TLX1: variants seen among roughly 807,000 people sequenced by gnomAD.
The protein encoded by TLX1 is T-cell leukemia homeobox protein 1.
A neutral mutation model predicts 26.5 loss-of-function variants in TLX1; 6 were observed. That is an observed-to-expected ratio of 0.23 (90% confidence interval 0.12 to 0.45). The LOEUF is 0.45. Among genes scored for constraint, TLX1 ranks in the 20% least tolerant of loss-of-function variants. TLX1 has a pLI of 0.99. For missense variants in TLX1, 418 were observed against 482.6 expected (o/e 0.87, Z 1.25); for synonymous variants, 217 against 219.7 (o/e 0.99, Z 0.11).
In TLX1 at chr10:101,132,162, C is replaced by A; in HGVS notation, c.568+53C>A. 1 of 1,295,362 alleles carries A rather than the reference C, an allele frequency of 7.7e-7. No homozygotes were observed. Among genetic ancestry groups the A allele is most frequent in the South Asian group, 2.7e-5 (1 of 37,214 alleles). 80.2% of individuals were successfully genotyped at this position (1,295,362 alleles called of 1,614,324 possible). ...TGGCCGCGGCCCGGGCTCCGTGCTA[C>A]CCCTGCCCCGCCGGGTGGCTCCCCA... On this transcript the variant is annotated intron_variant, in intron 1 of 2. Coordinates refer to ENST00000370196, the MANE Select transcript of TLX1 (RefSeq NM_005521.4). This position sits in a 1 kb window ranked among gnomAD's most constrained non-coding sequence, Gnocchi z 4.1.
Position 101,132,289 on chromosome 10 carries a change from T to C in TLX1, c.568+180T>C, listed in dbSNP as rs936274008. ...ACGCAGACTCGCCATGCTTGAAGAG[T>C]TCTCTCAGCCTGGACCCCTCTCTGT... is the stretch of plus-strand genomic sequence containing the variant. On this transcript the variant is annotated intron_variant, in intron 1 of 2. Transcript: ENST00000370196. This position sits in a 1 kb window ranked among gnomAD's most constrained non-coding sequence, Gnocchi z 4.1. Among the ~76,000 whole-genome samples, 1 of 151,514 alleles carries C rather than the reference T, an allele frequency of 6.6e-6. No homozygotes were observed. Among genetic ancestry groups the C allele is most frequent in the Non-Finnish European group, 1.5e-5 (1 of 67,870 alleles).
rs758666701 is a variant in TLX1 at position 101,132,049 on chromosome 10, A to C, written c.508A>C (p.Thr170Pro). The C allele has an allele frequency of 2.0e-6, 3 of 1,504,988 alleles. No individual in the cohort carries two copies. Among genetic ancestry groups the C allele is most frequent in the East Asian group, 5.4e-5 (2 of 37,288 alleles). The allele number at this position is 1,504,988 out of a possible 1,614,324, so 93.2% of individuals were successfully genotyped here. ...VPAMPGVNNL[T>P]GLTFPWMESN... ...TGCCATGCCGGGCGTCAACAACCTC[A>C]CTGGCCTCACCTTCCCCTGGATGGA... The change falls in exon 1 of 3, where the codon ACT (threonine) becomes CCT (proline). Residue 170 changes from threonine (T) to proline (P), a missense_variant. Thr to Pro is a conservative substitution (Grantham distance 38). Around this residue, in one of 3 missense-constraint regions of TLX1, gnomAD observed 322 missense variants for 344.6 expected, o/e 0.93. Transcript: ENST00000370196. This position sits in a 1 kb window ranked among gnomAD's most constrained non-coding sequence, Gnocchi z 4.1.
chr10:101,135,172 ACG>A (rs1564677100), intron 2 of TLX1, among the ~76,000 whole-genome samples: 22 of 17,396 alleles, frequency 1.3e-3, no homozygotes. Flanking sequence ...ACCCTCTGGC[ACG>A]CTGCACCCTC....
intron 2 of TLX1, among the ~76,000 whole-genome samples, chr10:101,134,965 A>G (rs1270800544): frequency 6.6e-6 from 1 of 152,210 alleles, no homozygotes; most frequent in Non-Finnish European, 1.5e-5. Flanking sequence ...GTCCCACTGG[A>G]AGGGGAATCA....
At chr10:101,134,444 C>A in intron 2 of TLX1, 68 bp downstream of exon 2, 2 of 1,418,356 alleles carry the variant, frequency 1.4e-6, no homozygotes, top group Non-Finnish European at 1.9e-6. Context: ...GTTCATTGGC[C>A]TCTCGTGGGG....
rs1239586304 is a variant in TLX1, at chr10:101,131,834, C to A, written c.293C>A (p.Thr98Asn). Residue 98 changes from threonine to asparagine, a missense_variant, in exon 1 of 3, where the codon ACC becomes AAC. By Grantham distance (65) the Thr-to-Asn change is moderately conservative. This residue lies in a region of TLX1 where 322 missense variants were observed against 344.6 expected (regional missense o/e 0.93). Coordinates refer to ENST00000370196, the MANE Select transcript of TLX1 (RefSeq NM_005521.4). Reference sequence around the variant, plus strand: ...GGCGCCTGCAGCATGGGTCCTCTGACCGGCTCCTACAACGTGAACATGGCC... The same window carrying A: ...GGCGCCTGCAGCATGGGTCCTCTGAACGGCTCCTACAACGTGAACATGGCC... ...GGGACSMGPL[T>N]GSYNVNMALA... 1.4e-6 allele frequency: 2 copies of A among 1,407,730 alleles called. No individual in the cohort carries two copies. Among genetic ancestry groups the A allele is most frequent in the African/African-American group, 3.0e-5 (2 of 65,736 alleles). 87.2% of individuals were successfully genotyped at this position (1,407,730 alleles called of 1,614,324 possible). A position where few individuals can be genotyped will look rare whatever the true frequency, so the allele number is the denominator to read the frequency against.
chr10:101,132,184 C>G lies in TLX1; in HGVS notation c.568+75C>G. Reference sequence around the variant, plus strand: ...CTACCCCTGCCCCGCCGGGTGGCTCCCCAAAGCCGGTTCTGCGCTCCAGGT... The same window carrying G: ...CTACCCCTGCCCCGCCGGGTGGCTCGCCAAAGCCGGTTCTGCGCTCCAGGT... On this transcript the variant is annotated intron_variant, in intron 1 of 2. Coordinates refer to ENST00000370196, the MANE Select transcript of TLX1 (RefSeq NM_005521.4). The surrounding 1 kb of genome is among the most constrained non-coding windows in gnomAD (Gnocchi z 4.1). 8.0e-7 allele frequency: 1 copy of G among 1,246,156 alleles called. No individual in the cohort carries two copies. Among genetic ancestry groups the G allele is most frequent in the Non-Finnish European group, 1.0e-6 (1 of 985,758 alleles). The allele number at this position is 1,246,156 out of a possible 1,614,324, so 77.2% of individuals were successfully genotyped here.
In TLX1 at chr10:101,137,082, C is replaced by A. The variant is rs1289079978; in HGVS notation, c.*169C>A. The A allele has an allele frequency of 4.5e-6, 4 of 887,816 alleles. No homozygotes were observed. The highest frequency in any genetic ancestry group is 6.7e-6 in the Non-Finnish European group (4 of 598,678). The allele number at this position is 887,816 out of a possible 1,614,324, so 55.0% of individuals were successfully genotyped here. A position where few individuals can be genotyped will look rare whatever the true frequency, so the allele number is the denominator to read the frequency against. On this transcript the variant is annotated 3_prime_UTR_variant, in exon 3 of 3. Coordinates refer to ENST00000370196, the MANE Select transcript of TLX1 (RefSeq NM_005521.4). The stretch of plus-strand genomic sequence containing the variant: ...ATTTGTGCCGACACTGTTCTCCCTT[C>A]GGTGGAAGAGCTCAAGGGACAAGGA...
rs11190842 is a variant in TLX1 at position 101,135,700 on chromosome 10, C to T, written c.771-991C>T. Among the ~76,000 whole-genome samples the T allele has an allele frequency of 2.9e-3, 445 of 152,234 alleles. 1 individual carries two copies. The highest frequency in any genetic ancestry group is 0.01 in the African/African-American group (429 of 41,546). On this transcript the variant is annotated intron_variant, in intron 2 of 2. Coordinates refer to ENST00000370196, the MANE Select transcript of TLX1 (RefSeq NM_005521.4). ...AAGGAAAAAAAAGGAGAAAAACAGGCAGCCTGCAGAAGTCTTATTTATGTA... is the reference window on the plus strand; with the variant it reads ...AAGGAAAAAAAAGGAGAAAAACAGGTAGCCTGCAGAAGTCTTATTTATGTA...
In TLX1 at chr10:101,136,790, G is replaced by T; in HGVS notation, c.870G>T (p.Pro290=). 6.2e-7 allele frequency: 1 copy of T among 1,613,496 alleles called. No homozygotes were observed. Among genetic ancestry groups the T allele is most frequent in the East Asian group, 2.2e-5 (1 of 44,880 alleles). ...QEAFQKSLAQ[P]LPADPLCVHN... ...CCTTCCAGAAGAGCCTGGCACAGCC[G>T]CTGCCCGCTGACCCTCTGTGCGTGC... The change falls in exon 3 of 3, where the codon CCG becomes CCT. Residue 290 remains proline (P), a synonymous_variant. Coordinates refer to ENST00000370196, the MANE Select transcript of TLX1 (RefSeq NM_005521.4).
intron 2 of TLX1, among the ~76,000 whole-genome samples, chr10:101,135,732 A>G (rs1222169847): frequency 6.6e-6 from 1 of 152,264 alleles, no homozygotes; most frequent in Non-Finnish European, 1.5e-5. Context: ...TGTATAATAA[A>G]GAAAAAGCAA....
At chr10:101,135,178 C>T (rs1940268613) in intron 2 of TLX1, among the ~76,000 whole-genome samples, 1 of 150,542 alleles carries the variant, frequency 6.6e-6, no homozygotes, top group Non-Finnish European at 1.5e-5. Context: ...TGGCACGCTG[C>T]ACCCTCTGGC....
chr10:101,133,603 G>C (rs955608458), intron 1 of TLX1, among the ~76,000 whole-genome samples: 1 of 152,246 alleles, frequency 6.6e-6, no homozygotes, highest in Admixed American at 6.5e-5. Flanking sequence ...ACTGTGTCAG[G>C]CATGAAGGCG....
Position 101,137,521 on chromosome 10 carries a change from A to T in TLX1, c.*608A>T, listed in dbSNP as rs1399007488. ...CTCCCTCCAGCACAAACACAAGGTCATGGCCACACTGTGACACACTACACC... is the reference window on the plus strand; with the variant it reads ...CTCCCTCCAGCACAAACACAAGGTCTTGGCCACACTGTGACACACTACACC... On this transcript the variant is annotated 3_prime_UTR_variant, in exon 3 of 3. Coordinates refer to ENST00000370196, the MANE Select transcript of TLX1 (RefSeq NM_005521.4). 4 of 236,940 alleles carry T rather than the reference A, an allele frequency of 1.7e-5. No individual in the cohort carries two copies. Among genetic ancestry groups the T allele is most frequent in the Non-Finnish European group, 3.3e-5 (4 of 120,552 alleles). The allele number at this position is 236,940 out of a possible 1,614,324, so 14.7% of individuals were successfully genotyped here.
chr10:101,134,472 C>A, intron 2 of TLX1, 96 bp downstream of exon 2: 1 of 1,327,068 alleles, frequency 7.5e-7, no homozygotes, highest in Non-Finnish European at 1.0e-6. Flanking sequence ...ACTTTTTCCG[C>A]TCGCGGTTTC....
At chr10:101,135,365 G>A (rs1330360944) in intron 2 of TLX1, 1 of 154,396 alleles carries the variant, frequency 6.5e-6, no homozygotes, top group African/African-American at 2.4e-5. Flanking sequence ...CGAGGAATCT[G>A]CCTGGGATTC....
At chr10:101,135,181 CCT>C in intron 2 of TLX1, among the ~76,000 whole-genome samples, 1 of 150,612 alleles carries the variant, frequency 6.6e-6, no homozygotes, top group Non-Finnish European at 1.5e-5. Flanking sequence ...CACGCTGCAC[CCT>C]CTGGCACGCT....
Position 101,136,907 on chromosome 10 carries a change from C to T in TLX1, c.987C>T (p.Cys329=). The T allele has an allele frequency of 6.2e-7, 1 of 1,613,510 alleles. No homozygotes were observed. The highest frequency in any genetic ancestry group is 1.1e-5 in the South Asian group (1 of 91,082). Residue 329 remains cysteine, a synonymous_variant, in exon 3 of 3, where the codon TGC becomes TGT. Transcript: ENST00000370196. ...ITSVTSVASA[C]E ...GCGTCACGTCGGTGGCGTCGGCCTG[C>T]GAGTGAGCCTGCCCATTCTGCCCTG...
At chr10:101,136,353 G>A (rs931107372) in intron 2 of TLX1, among the ~76,000 whole-genome samples, 1 of 152,216 alleles carries the variant, frequency 6.6e-6, no homozygotes, top group African/African-American at 2.4e-5. Context: ...GCCGGGGAGG[G>A]GGAGGCGAGA....
Sources: gnomAD v4.1 joint callset for allele counts (sites outside exome capture counted in the v4.1 genomes callset) on GRCh38, gnomAD v4.1.1 for gene constraint, gnomAD v4.1.1 regional missense constraint, Gnocchi (gnomAD v3.1) non-coding constraint, MANE v1.5 for transcripts, NCBI Gene and HGNC (gene_info 2026-07-23, HGNC 2026-07-21) for gene names.